ABCG1: variants seen among roughly 807,000 people sequenced by gnomAD.
The protein encoded by ABCG1 is ATP-binding cassette sub-family G member 1.
ABCG1 carries 29 observed loss-of-function variants against 69.2 expected under a neutral mutation model. The observed-to-expected ratio is 0.42, with a 90% CI of 0.31 to 0.57. The LOEUF (loss-of-function observed/expected upper bound fraction) is 0.57, where lower values mean the gene tolerates loss of function less well. Ranked by LOEUF, ABCG1 falls within the 20% of genes least tolerant of loss-of-function variation. The probability of loss-of-function intolerance (pLI) is 0.15; values close to 1 mark genes in which losing one functional copy is unlikely to be tolerated. For synonymous variants in ABCG1, 370 were observed against 374.8 expected, an observed-to-expected ratio of 0.99 and a Z score of 0.15; for missense variants, 718 against 898.1, an observed-to-expected ratio of 0.80 and a Z score of 2.56.
Position 42,286,078 on chromosome 21 carries a change from T to A in ABCG1, c.973+84T>A, listed in dbSNP as rs369209699. ...CTCACTTTTAGCTGACGCCCCCAAC[T>A]CAGAAACCACTTGACTACCACAAAT... On this transcript the variant is annotated intron_variant, in intron 8 of 14. Transcript: ENST00000398449. 5.6e-6 allele frequency: 5 copies of A among 898,936 alleles called. No individual in the cohort carries two copies. The East Asian group carries it at 9.7e-5, about 17-fold the overall frequency. The allele number at this position is 898,936 out of a possible 1,614,324, so 55.7% of individuals were successfully genotyped here.
At chr21:42,285,748 G>T in intron 7 of ABCG1, 132 bp from the exon 8 acceptor site, 1 of 705,642 alleles carries the variant, frequency 1.4e-6, no homozygotes, top group Non-Finnish European at 2.6e-6. Flanking sequence ...AAAGCTCTCA[G>T]GAGAGGAAGT....
Position 42,252,143 on chromosome 21 carries a change from G to A in ABCG1, c.287-18927G>A, listed in dbSNP as rs139212435. Among the ~76,000 whole-genome samples the A allele has an allele frequency of 2.3e-3, 356 of 152,272 alleles. 2 individuals are homozygous for A. The highest frequency in any genetic ancestry group is 3.8e-3 in the Non-Finnish European group (260 of 68,016). On this transcript the variant is annotated intron_variant, in intron 2 of 14. Transcript: ENST00000398449. ...GATGAGAGCATCTGTGCCATTGCCC[G>A]GACAAGAAGGAGCTGTTGGCTGTCA...
Position 42,219,160 on chromosome 21 carries a change from A to AC in ABCG1, c.-99dup. ...CAGCCGGAGCCCAAGCGCAGCCCGC[A>AC]CCCCGCGCAGCGGCTGAGCCGGGAG... On this transcript the variant is annotated 5_prime_UTR_variant, in exon 1 of 15. Transcript: ENST00000398449. This position sits in a 1 kb window ranked among gnomAD's most constrained non-coding sequence, Gnocchi z 5.3. The AC allele has an allele frequency of 9.3e-7, 1 of 1,080,834 alleles. No homozygotes were observed. Among genetic ancestry groups the AC allele is most frequent in the Non-Finnish European group, 1.2e-6 (1 of 864,604 alleles). The allele number at this position is 1,080,834 out of a possible 1,614,324, so 67.0% of individuals were successfully genotyped here.
intron 5 of ABCG1, among the ~76,000 whole-genome samples, chr21:42,280,007 T>A (rs1246560779): frequency 6.6e-6 from 1 of 152,216 alleles, no homozygotes; most frequent in Non-Finnish European, 1.5e-5. Flanking sequence ...GGCTGAATCA[T>A]CCCTGAGGGG....
intron 2 of ABCG1, among the ~76,000 whole-genome samples, chr21:42,265,934 T>C (rs372108946): frequency 2.0e-5 from 3 of 152,220 alleles, no homozygotes; most frequent in African/African-American, 2.4e-5. Context: ...CTCCCCTTCC[T>C]GGACAGGGTT....
chr21:42,267,940 G>A (rs962857755), intron 2 of ABCG1, among the ~76,000 whole-genome samples: 1 of 149,150 alleles, frequency 6.7e-6, no homozygotes, highest in Admixed American at 6.6e-5. Context: ...GTGTGGTCTG[G>A]GTTCTGTCTA....
At position 42,219,937 on chromosome 21, in the gene ABCG1, C is replaced by G. The variant is rs998571055; in HGVS notation, c.42+633C>G. The stretch of plus-strand genomic sequence containing the variant: ...CGGATTCCTGCCGGCCGCCTTTCTG[C>G]GCGCGCCGGAGAGAGAGACGCGGTG... On this transcript the variant is annotated intron_variant, in intron 1 of 14. Coordinates refer to ENST00000398449, the MANE Select transcript of ABCG1 (RefSeq NM_016818.3). The surrounding 1 kb of genome is among the most constrained non-coding windows in gnomAD (Gnocchi z 5.3). The G allele has an allele frequency of 2.6e-6, 4 of 1,550,822 alleles. No homozygotes were observed. The African/African-American group carries it at 5.5e-5, about 21-fold the overall frequency.
chr21:42,267,796 G>A (rs2068539603), intron 2 of ABCG1, among the ~76,000 whole-genome samples: 1 of 150,644 alleles, frequency 6.6e-6, no homozygotes, highest in African/African-American at 2.4e-5. Context: ...GGTCTGGTCT[G>A]GGTTCTGTCT....
chr21:42,259,438 G>T lies in ABCG1; in HGVS notation c.287-11632G>T. On this transcript the variant is annotated intron_variant, in intron 2 of 14. Transcript: ENST00000398449. ...TGTGATTCAGCTCTTCAGGGAAAAA[G>T]GGTGCCGATGTCTGGCCTACAGGGC... 3 of 1,549,586 alleles carry T rather than the reference G, an allele frequency of 1.9e-6. 1 individual carries two copies. The South Asian group carries it at 3.6e-5, about 18-fold the overall frequency.
intron 7 of ABCG1, 31 bp from the exon 8 acceptor site, chr21:42,285,849 T>G: frequency 6.0e-6 from 9 of 1,509,754 alleles, no homozygotes; most frequent in Non-Finnish European, 8.3e-6. Flanking sequence ...AAGGCAGGGC[T>G]TGATCCCTTT....
chr21:42,296,342 C>T lies in ABCG1; in HGVS notation c.1951C>T (p.Arg651Cys), dbSNP rs1302262582. ...ACTCGGGATTTTCTTCATCTCCCTCCGCCTCATTGCCTATTTTGTCCTCAG... is the reference window on the plus strand; with the variant it reads ...ACTCGGGATTTTCTTCATCTCCCTCTGCCTCATTGCCTATTTTGTCCTCAG... ...IVLGIFFISLRLIAYFVLRYK... is the reference protein window; with the variant it reads ...IVLGIFFISLCLIAYFVLRYK... The change falls in exon 15 of 15, where the codon CGC (arginine) becomes TGC (cysteine). Residue 651 changes from arginine to cysteine, a missense_variant. Arg to Cys is a radical substitution (Grantham distance 180). Coordinates refer to ENST00000398449, the MANE Select transcript of ABCG1 (RefSeq NM_016818.3). This position sits in a 1 kb window ranked among gnomAD's most constrained non-coding sequence, Gnocchi z 5.4. 7 of 1,614,122 alleles carry T rather than the reference C, an allele frequency of 4.3e-6. No individual in the cohort carries two copies. The highest frequency in any genetic ancestry group is 1.1e-5 in the South Asian group (1 of 91,064).
At chr21:42,264,438 C>T (rs9982284) in intron 2 of ABCG1, among the ~76,000 whole-genome samples, 2,290 of 152,204 alleles carry the variant, frequency 0.015, 31 homozygotes, top group Middle Eastern at 0.034. Context: ...TCCATCCATC[C>T]GTCAATCTAT....
chr21:42,234,921 CGCGGCGGA>C lies in ABCG1; in HGVS notation c.286+9015_286+9022del, dbSNP rs1337322857. On this transcript the variant is annotated intron_variant, in intron 2 of 14. Transcript: ENST00000398449. Reference sequence around the variant, plus strand: ...CCGGTCAACGCTCGCTAGTAACCTCCGCGGCGGAGCGGCGGCGCGGGGAGCGGCGCGAT... The same window carrying C: ...CCGGTCAACGCTCGCTAGTAACCTCCGCGGCGGCGCGGGGAGCGGCGCGAT... 2.0e-5 allele frequency among the ~76,000 whole-genome samples: 3 copies of C among 151,890 alleles called. No homozygotes were observed. The East Asian group carries it at 5.8e-4, about 29-fold the overall frequency.
chr21:42,259,898 GC>G (rs2068375804), intron 2 of ABCG1: 1 of 1,449,964 alleles, frequency 6.9e-7, no homozygotes. Context: ...GAGAAAGAAG[GC>G]CCCCAGGCTT....
chr21:42,256,045 G>T, intron 2 of ABCG1: 1 of 809,834 alleles, frequency 1.2e-6, no homozygotes. Context: ...GGAGCCACTG[G>T]GAGTCAGGTG....
At chr21:42,232,667 G>C (rs2123556361) in intron 2 of ABCG1, among the ~76,000 whole-genome samples, 1 of 152,298 alleles carries the variant, frequency 6.6e-6, no homozygotes, top group South Asian at 2.1e-4. Context: ...CATGGTGGGT[G>C]CCCCCCTGCC....
At chr21:42,264,878 G>A (rs1178673592) in intron 2 of ABCG1, among the ~76,000 whole-genome samples, 1 of 152,098 alleles carries the variant, frequency 6.6e-6, no homozygotes, top group Non-Finnish European at 1.5e-5. Context: ...GGGGAGGGTT[G>A]GGTCTTGGGA....
intron 2 of ABCG1, among the ~76,000 whole-genome samples, chr21:42,202,593 A>T (rs74512602): frequency 6.8e-6 from 1 of 147,648 alleles, no homozygotes; most frequent in African/African-American, 2.5e-5. Context: ...CTTACTCAAC[A>T]GTCACAACAG....
chr21:42,250,657 G>A (rs1461439967), intron 2 of ABCG1, among the ~76,000 whole-genome samples: 2 of 152,222 alleles, frequency 1.3e-5, no homozygotes, highest in Admixed American at 6.5e-5. Flanking sequence ...CACAGTGAGC[G>A]CCAGTGGACA....
Sources: gnomAD v4.1 joint callset for allele counts (sites outside exome capture counted in the v4.1 genomes callset) on GRCh38, gnomAD v4.1.1 for gene constraint, Gnocchi (gnomAD v3.1) non-coding constraint, MANE v1.5 for transcripts, NCBI Gene and HGNC (gene_info 2026-07-23, HGNC 2026-07-21) for gene names.